GALNT17: variants seen among roughly 807,000 people sequenced by gnomAD.
GALNT17 encodes the protein UDP-GalNAc:polypeptide N-acetylgalactosaminyltransferase-like 3.
Under a neutral mutation model 63.7 loss-of-function variants are expected in GALNT17, and 29 were observed. The observed-to-expected ratio is 0.46, with a 90% CI of 0.34 to 0.62. The LOEUF is 0.62. Among genes scored for constraint, GALNT17 ranks in the 20% least tolerant of loss-of-function variants. The pLI is 0.01. For missense variants in GALNT17, 603 were observed against 799.6 expected, an observed-to-expected ratio of 0.75 and a Z score of 2.97; for synonymous variants, 305 against 318.3, an observed-to-expected ratio of 0.96 and a Z score of 0.45.
rs144895494 is a variant in GALNT17, at chr7:71,193,912, T to C, written c.238+60872T>C. Among the ~76,000 whole-genome samples the C allele has an allele frequency of 9.5e-3, 1,451 of 152,304 alleles. 24 individuals carry two copies. The highest frequency in any genetic ancestry group is 0.033 in the African/African-American group (1,355 of 41,552). On this transcript the variant is annotated intron_variant, in intron 1 of 10. Transcript: ENST00000333538. ...ATGTTTTACTCTCTTTCGGGGCGTA[T>C]TGACAAAGAGCTATACTGGTTTCTT... is the stretch of plus-strand genomic sequence containing the variant.
At chr7:71,638,290 A>C (rs1032231039) in intron 6 of GALNT17, among the ~76,000 whole-genome samples, 5 of 152,190 alleles carry the variant, frequency 3.3e-5, no homozygotes, top group Admixed American at 2.0e-4. Context: ...CAAGGTCTTT[A>C]TGACCTGTAT....
In GALNT17 at chr7:71,610,998, A is replaced by G. The variant is rs61531635; in HGVS notation, c.1080+39596A>G. Among the ~76,000 whole-genome samples the G allele has an allele frequency of 1.3e-3, 198 of 151,288 alleles. 1 individual carries two copies. The highest frequency in any genetic ancestry group is 4.6e-3 in the African/African-American group (190 of 41,310). On this transcript the variant is annotated intron_variant, in intron 6 of 10. Transcript: ENST00000333538. ...AGCGAGACTCCATTTCAAAAAAAAA[A>G]AAAAAAAGTCCACTGGCCACATAAC...
intron 5 of GALNT17, among the ~76,000 whole-genome samples, chr7:71,529,558 G>A (rs551598698): frequency 6.6e-6 from 1 of 152,310 alleles, no homozygotes; most frequent in South Asian, 2.1e-4. Flanking sequence ...AACGACCCAC[G>A]TAGCCGTCCA....
chr7:71,385,507 C>T (rs951120217), intron 2 of GALNT17, among the ~76,000 whole-genome samples: 11 of 152,310 alleles, frequency 7.2e-5, no homozygotes, highest in Non-Finnish European at 1.3e-4. Flanking sequence ...ACCTTGGCTC[C>T]TCCCTGCCTG....
At chr7:71,183,274 C>T (rs1222903194) in intron 1 of GALNT17, among the ~76,000 whole-genome samples, 1 of 152,116 alleles carries the variant, frequency 6.6e-6, no homozygotes, top group African/African-American at 2.4e-5. Context: ...GCTTTGCTGT[C>T]TTCATACATT....
At chr7:71,558,792 A>G (rs1313434398) in intron 5 of GALNT17, among the ~76,000 whole-genome samples, 1 of 152,212 alleles carries the variant, frequency 6.6e-6, no homozygotes, top group Non-Finnish European at 1.5e-5. Flanking sequence ...CTTATAGGGA[A>G]TATCTTACTA....
chr7:71,466,433 C>T (rs1272660190), intron 5 of GALNT17, among the ~76,000 whole-genome samples: 2 of 152,204 alleles, frequency 1.3e-5, no homozygotes, highest in Non-Finnish European at 2.9e-5. Flanking sequence ...TATAGTATCA[C>T]ATGACAGAGA....
intron 2 of GALNT17, among the ~76,000 whole-genome samples, chr7:71,357,599 C>T (rs1236813582): frequency 6.6e-6 from 1 of 152,160 alleles, no homozygotes; most frequent in East Asian, 1.9e-4. Flanking sequence ...GAAACAATGC[C>T]TTGAGTCATG....
intron 1 of GALNT17, among the ~76,000 whole-genome samples, chr7:71,197,926 G>A (rs1037114719): frequency 2.0e-5 from 3 of 151,942 alleles, no homozygotes; most frequent in Admixed American, 6.6e-5. Flanking sequence ...GGCCAGGCAC[G>A]GTGACTCATG....
intron 1 of GALNT17, among the ~76,000 whole-genome samples, chr7:71,219,951 A>T (rs2116417588): frequency 6.6e-6 from 1 of 152,286 alleles, no homozygotes; most frequent in Admixed American, 6.5e-5. Flanking sequence ...GAAATGAATT[A>T]TGTCCCTCCA....
At chr7:71,300,707 A>G (rs1439158634) in intron 1 of GALNT17, 2 of 252,710 alleles carry the variant, frequency 7.9e-6, no homozygotes, top group Non-Finnish European at 7.9e-6. Context: ...GAGAAAAGGG[A>G]TTTCCAGAAT....
chr7:71,378,682 A>G (rs941517672), intron 2 of GALNT17, among the ~76,000 whole-genome samples: 1 of 152,056 alleles, frequency 6.6e-6, no homozygotes. Flanking sequence ...GCCAGGCTCT[A>G]GGGGAACAGA....
chr7:71,228,134 G>A (rs141044735), intron 1 of GALNT17, among the ~76,000 whole-genome samples: 31 of 152,210 alleles, frequency 2.0e-4, no homozygotes, highest in African/African-American at 7.0e-4. Context: ...TGATGTACAC[G>A]TGTGTGTTGG....
intron 9 of GALNT17, among the ~76,000 whole-genome samples, chr7:71,697,948 C>A (rs486696): frequency 0.16 from 24,416 of 151,726 alleles, 2,369 homozygotes; most frequent in Non-Finnish European, 0.22. Flanking sequence ...CATGGCAAAA[C>A]CCTGTCTCTA....
intron 5 of GALNT17, among the ~76,000 whole-genome samples, chr7:71,511,650 A>G (rs1005900092): frequency 6.6e-6 from 1 of 152,244 alleles, no homozygotes; most frequent in Admixed American, 6.5e-5. Flanking sequence ...AATTAGGCAA[A>G]AGTACCCTTT....
At chr7:71,705,377 G>A (rs756861276) in intron 9 of GALNT17, among the ~76,000 whole-genome samples, 2 of 152,168 alleles carry the variant, frequency 1.3e-5, no homozygotes, top group Non-Finnish European at 2.9e-5. Context: ...AGTTGGCCAG[G>A]ATGTGGAGAA....
intron 1 of GALNT17, among the ~76,000 whole-genome samples, chr7:71,245,391 G>A (rs569790246): frequency 2.0e-5 from 3 of 152,282 alleles, no homozygotes; most frequent in African/African-American, 7.2e-5. Context: ...TGTCATCCAC[G>A]GGTGTAAAGA....
At chr7:71,625,308 C>T (rs778294499) in intron 6 of GALNT17, among the ~76,000 whole-genome samples, 1 of 152,056 alleles carries the variant, frequency 6.6e-6, no homozygotes, top group African/African-American at 2.4e-5. Flanking sequence ...CCACACCTGG[C>T]CAATTTTTTA....
chr7:71,481,699 C>T (rs886219398), intron 5 of GALNT17, among the ~76,000 whole-genome samples: 2 of 152,116 alleles, frequency 1.3e-5, no homozygotes, highest in East Asian at 3.9e-4. Context: ...GCCCCTGGAG[C>T]CCCTCCAGGT....
Sources: gnomAD v4.1 joint callset for allele counts (sites outside exome capture counted in the v4.1 genomes callset) on GRCh38, gnomAD v4.1.1 for gene constraint, MANE v1.5 for transcripts, NCBI Gene and HGNC (gene_info 2026-07-23, HGNC 2026-07-21) for gene names.